LRRC8D: variants seen among roughly 807,000 people sequenced by gnomAD.
LRRC8D encodes leucine rich repeat containing 8 VRAC subunit D.
In LRRC8D, 20 loss-of-function variants were observed where a neutral mutation model predicts 55.8. The ratio of observed to expected loss-of-function variants is 0.36; its 90% CI spans 0.25 to 0.52. The LOEUF is 0.52. LRRC8D is among the 20% of genes least tolerant of loss of function. The pLI, the probability that LRRC8D is intolerant of heterozygous loss-of-function variation, is 0.93. For missense variants in LRRC8D, 651 were observed against 1,030.8 expected (o/e 0.63, Z 5.05); for synonymous variants, 352 against 377.0 (o/e 0.93, Z 0.77).
chr1:89,931,564 G>T (rs961546532), intron 2 of LRRC8D, among the ~76,000 whole-genome samples: 1 of 152,058 alleles, frequency 6.6e-6, no homozygotes, highest in South Asian at 2.1e-4. Context: ...TTCGAGACCA[G>T]CCTGGCCAAT....
intron 2 of LRRC8D, among the ~76,000 whole-genome samples, chr1:89,925,333 A>T (rs1663531588): frequency 6.6e-6 from 1 of 152,182 alleles, no homozygotes; most frequent in Admixed American, 6.5e-5. Context: ...ATTCCACATT[A>T]TGGTGAGTTG....
chr1:89,923,710 G>A (rs1231673367), intron 2 of LRRC8D, among the ~76,000 whole-genome samples: 1 of 152,144 alleles, frequency 6.6e-6, no homozygotes, highest in East Asian at 1.9e-4. Context: ...AACCAAAACA[G>A]CATGGTACTG....
intron 2 of LRRC8D, among the ~76,000 whole-genome samples, chr1:89,845,828 C>T (rs112550389): frequency 0.017 from 2,611 of 151,896 alleles, 79 homozygotes; most frequent in African/African-American, 0.06. Flanking sequence ...GTTGCCCTGG[C>T]TGGAGTGCAA....
intron 1 of LRRC8D, among the ~76,000 whole-genome samples, chr1:89,832,773 T>G (rs913417579): frequency 3.3e-5 from 5 of 152,244 alleles, no homozygotes; most frequent in African/African-American, 1.2e-4. Flanking sequence ...GTTAACAAGT[T>G]GTACAAGAAG....
intron 2 of LRRC8D, among the ~76,000 whole-genome samples, chr1:89,857,906 T>G (rs1317080744): frequency 6.6e-6 from 1 of 152,110 alleles, no homozygotes; most frequent in East Asian, 1.9e-4. Flanking sequence ...AAATAATGAG[T>G]AGGATTAGAG....
At chr1:89,868,227 T>C (rs1361693417) in intron 2 of LRRC8D, among the ~76,000 whole-genome samples, 1 of 152,204 alleles carries the variant, frequency 6.6e-6, no homozygotes, top group Non-Finnish European at 1.5e-5. Context: ...AAAATATTTA[T>C]TCTGGGTTTT....
In LRRC8D at chr1:89,933,429, G is replaced by A. The variant is rs376711817; in HGVS notation, c.361G>A (p.Ala121Thr). 168 of 1,613,882 alleles carry A rather than the reference G, an allele frequency of 1.0e-4. No homozygotes were observed. Among genetic ancestry groups the A allele is most frequent in the African/African-American group, 1.9e-4 (14 of 74,864 alleles). ...AGCCACATATCCTCGCACAGATTTC[G>A]CACTTCCAAATCAGGAGGCAAAGAA... is the stretch of plus-strand genomic sequence containing the variant. ...LRATYPRTDF[A>T]LPNQEAKKEK... Residue 121 changes from alanine to threonine, a missense_variant, in exon 3 of 3, where the codon GCA becomes ACA. Ala to Thr is a moderately conservative substitution (Grantham distance 58, BLOSUM62 0). Transcript: ENST00000337338. This position sits in a 1 kb window ranked among gnomAD's most constrained non-coding sequence, Gnocchi z 7.0.
rs115739064 is a variant in LRRC8D at position 89,872,940 on chromosome 1, A to G, written c.-3+29158A>G. The stretch of plus-strand genomic sequence containing the variant: ...ATTAATGTAGAGTTGAAATTAAGAT[A>G]GCATCTTGGGAATTTTAGATAGGAA... On this transcript the variant is annotated intron_variant, in intron 2 of 2. Transcript: ENST00000337338. 2.4e-3 allele frequency among the ~76,000 whole-genome samples: 368 copies of G among 152,360 alleles called. 1 individual carries two copies. Among genetic ancestry groups the G allele is most frequent in the African/African-American group, 8.3e-3 (346 of 41,578 alleles).
chr1:89,832,394 G>C (rs1660909432), intron 1 of LRRC8D, among the ~76,000 whole-genome samples: 1 of 152,174 alleles, frequency 6.6e-6, no homozygotes, highest in Non-Finnish European at 1.5e-5. Context: ...TTCATCATCT[G>C]CAGGTTTTAT....
chr1:89,884,364 T>C (rs1662361829), intron 2 of LRRC8D, among the ~76,000 whole-genome samples: 1 of 152,222 alleles, frequency 6.6e-6, no homozygotes, highest in Admixed American at 6.5e-5. Flanking sequence ...ATAAAAATAA[T>C]ACCTAACATC....
intron 2 of LRRC8D, among the ~76,000 whole-genome samples, chr1:89,926,485 A>G (rs1663568832): frequency 6.6e-6 from 1 of 152,220 alleles, no homozygotes; most frequent in Non-Finnish European, 1.5e-5. Context: ...GATGGTGGTG[A>G]TTACATAATG....
At chr1:89,905,622 A>C (rs1286370782) in intron 2 of LRRC8D, among the ~76,000 whole-genome samples, 1 of 152,232 alleles carries the variant, frequency 6.6e-6, no homozygotes, top group Non-Finnish European at 1.5e-5. Context: ...ACTTTGGAGA[A>C]TATGGCTTTG....
intron 2 of LRRC8D, among the ~76,000 whole-genome samples, chr1:89,883,248 A>G (rs75293508): frequency 0.031 from 4,780 of 152,010 alleles, 258 homozygotes; most frequent in African/African-American, 0.11. Flanking sequence ...GTGTTAAGGG[A>G]CAGTATTTTC....
intron 2 of LRRC8D, among the ~76,000 whole-genome samples, chr1:89,846,296 A>C (rs535276623): frequency 6.6e-6 from 1 of 151,210 alleles, no homozygotes; most frequent in African/African-American, 2.4e-5. Context: ...TTCTGTTTAC[A>C]CAGTGTATAT....
At chr1:89,846,685 T>G (rs1320067795) in intron 2 of LRRC8D, 1 of 152,186 alleles carries the variant, frequency 6.6e-6, no homozygotes, top group African/African-American at 2.4e-5. Flanking sequence ...AAAGCAGTTT[T>G]TTTTTTCATA....
chr1:89,879,421 T>C (rs79777582), intron 2 of LRRC8D, among the ~76,000 whole-genome samples: 198 of 152,300 alleles, frequency 1.3e-3, no homozygotes, highest in African/African-American at 4.6e-3. Context: ...CGTCCAGTAG[T>C]TTGCTACTGA....
At chr1:89,822,067 C>G (rs1056837315) in intron 1 of LRRC8D, 54 of 152,714 alleles carry the variant, frequency 3.5e-4, no homozygotes, top group African/African-American at 1.3e-3. Flanking sequence ...TTGATAGGGG[C>G]CTTCTCCTTT....
chr1:89,859,787 G>T (rs1661652718), intron 2 of LRRC8D, among the ~76,000 whole-genome samples: 1 of 152,164 alleles, frequency 6.6e-6, no homozygotes, highest in Non-Finnish European at 1.5e-5. Context: ...GATCAGTCCT[G>T]CACGGAAGCC....
At chr1:89,874,566 A>G (rs1344747718) in intron 2 of LRRC8D, among the ~76,000 whole-genome samples, 1 of 152,016 alleles carries the variant, frequency 6.6e-6, no homozygotes, top group Non-Finnish European at 1.5e-5. Context: ...CACCTAAAAA[A>G]AGAACAAAAA....
Sources: gnomAD v4.1 joint callset for allele counts (sites outside exome capture counted in the v4.1 genomes callset) on GRCh38, gnomAD v4.1.1 for gene constraint, Gnocchi (gnomAD v3.1) non-coding constraint, MANE v1.5 for transcripts, NCBI Gene and HGNC (gene_info 2026-07-23, HGNC 2026-07-21) for gene names.